KIF13A: variants seen among roughly 807,000 people sequenced by gnomAD.
KIF13A encodes the protein kinesin-like protein KIF13A.
A neutral mutation model predicts 212.2 loss-of-function variants in KIF13A; 79 were observed. That is an observed-to-expected ratio of 0.37 (90% CI 0.31 to 0.45). The LOEUF is 0.45. KIF13A is among the 20% of genes least tolerant of loss of function. The probability of loss-of-function intolerance (pLI) is 1.00; values close to 1 mark genes in which losing one functional copy is unlikely to be tolerated. For missense variants in KIF13A, 1,901 were observed against 2,209.0 expected (o/e 0.86, Z 2.79); for synonymous variants, 789 against 808.6 (o/e 0.98, Z 0.41).
intron 23 of KIF13A, among the ~76,000 whole-genome samples, chr6:17,795,943 T>C (rs1761995599): frequency 6.6e-6 from 1 of 152,234 alleles, no homozygotes; most frequent in South Asian, 2.1e-4. Context: ...GTATGATTCA[T>C]CTCAAATTAA....
Position 17,843,555 on chromosome 6 carries a change from C to T in KIF13A, c.830+5822G>A, listed in dbSNP as rs190019412. Among the ~76,000 whole-genome samples the T allele has an allele frequency of 2.0e-5, 3 of 152,212 alleles. No individual in the cohort carries two copies. The East Asian group carries it at 5.8e-4, about 29-fold the overall frequency. On this transcript the variant is annotated intron_variant, in intron 9 of 38. Transcript: ENST00000259711. This position sits in a 1 kb window ranked among gnomAD's most constrained non-coding sequence, Gnocchi z 5.3. ...CCAGTTTGTACCACAGATATGGATACGATGTTTGGAATGATAGAGCTATCC... is the reference window on the plus strand; with the variant it reads ...CCAGTTTGTACCACAGATATGGATATGATGTTTGGAATGATAGAGCTATCC...
Position 17,982,881 on chromosome 6 carries a change from C to A in KIF13A, c.146+4173G>T, listed in dbSNP as rs900180307. Among the ~76,000 whole-genome samples, 1 of 152,030 alleles carries A rather than the reference C, an allele frequency of 6.6e-6. No homozygotes were observed. The highest frequency in any genetic ancestry group is 1.5e-5 in the Non-Finnish European group (1 of 67,984). ...CTTAATATGCTGATATTGAAAGATA[C>A]CAAAGGGGGCCAGGCGTGGTGGCTC... On this transcript the variant is annotated intron_variant, in intron 2 of 38. Coordinates refer to ENST00000259711, the MANE Select transcript of KIF13A (RefSeq NM_022113.6). The surrounding 1 kb of genome is among the most constrained non-coding windows in gnomAD (Gnocchi z 5.1).
chr6:17,850,553 C>T lies in KIF13A; in HGVS notation c.583-96G>A. 8.0e-7 allele frequency: 1 copy of T among 1,248,098 alleles called. No individual in the cohort carries two copies. The allele number at this position is 1,248,098 out of a possible 1,614,324, so 77.3% of individuals were successfully genotyped here. A position where few individuals can be genotyped will look rare whatever the true frequency, so the allele number is the denominator to read the frequency against. On this transcript the variant is annotated intron_variant, in intron 7 of 38. Transcript: ENST00000259711. The surrounding 1 kb of genome is among the most constrained non-coding windows in gnomAD (Gnocchi z 6.2). ...GTATTAATTATGATTCCTCTGATGC[C>T]TTTGTCACCACCCTTCCATAGAAAC... is the stretch of plus-strand genomic sequence containing the variant.
In KIF13A at chr6:17,825,065, A is replaced by G. The variant is rs1252809430; in HGVS notation, c.1786+703T>C. Among the ~76,000 whole-genome samples the G allele has an allele frequency of 1.3e-5, 2 of 152,228 alleles. No individual in the cohort carries two copies. The highest frequency in any genetic ancestry group is 2.9e-5 in the Non-Finnish European group (2 of 68,044). ...CTGGCTTCTAAGTCCCAGTCATCAA[A>G]TCTAGCAATTAAGACACTGGGAGAT... is the stretch of plus-strand genomic sequence containing the variant. On this transcript the variant is annotated intron_variant, in intron 16 of 38. Coordinates refer to ENST00000259711, the MANE Select transcript of KIF13A (RefSeq NM_022113.6). This position sits in a 1 kb window ranked among gnomAD's most constrained non-coding sequence, Gnocchi z 4.5.
intron 2 of KIF13A, among the ~76,000 whole-genome samples, chr6:17,976,801 CAA>C (rs998413837): frequency 1.9e-4 from 19 of 98,702 alleles, no homozygotes; most frequent in Admixed American, 2.2e-4. Flanking sequence ...GACTCCATCT[CAA>C]AAAAAAAAAA....
In KIF13A at chr6:17,899,074, C is replaced by A. The variant is rs1012768679; in HGVS notation, c.147-894G>T. 5.9e-5 allele frequency among the ~76,000 whole-genome samples: 9 copies of A among 152,156 alleles called. No individual in the cohort carries two copies. Among genetic ancestry groups the A allele is most frequent in the Non-Finnish European group, 1.3e-4 (9 of 68,024 alleles). ...AACTCCTGACCTCAAGCAATCCCCC[C>A]ACCTCAGCCTCCCAAAGTGCTGGGA... On this transcript the variant is annotated intron_variant, in intron 2 of 38. Coordinates refer to ENST00000259711, the MANE Select transcript of KIF13A (RefSeq NM_022113.6). This position sits in a 1 kb window ranked among gnomAD's most constrained non-coding sequence, Gnocchi z 5.2.
intron 2 of KIF13A, among the ~76,000 whole-genome samples, chr6:17,904,711 G>A (rs1158811177): frequency 2.0e-5 from 3 of 152,216 alleles, no homozygotes; most frequent in African/African-American, 7.2e-5. Context: ...GGAGTCCTCT[G>A]ACCACTGTTT....
At chr6:17,835,193 G>A (rs1488859596) in intron 11 of KIF13A, among the ~76,000 whole-genome samples, 1 of 59,200 alleles carries the variant, frequency 1.7e-5, no homozygotes, top group Non-Finnish European at 2.9e-5. Context: ...ACCCGCCCCC[G>A]CCAAAAAAAA....
Position 17,987,479 on chromosome 6 carries a change from C to T in KIF13A, c.-16G>A. 8.0e-7 allele frequency: 1 copy of T among 1,251,000 alleles called. No homozygotes were observed. The highest frequency in any genetic ancestry group is 1.4e-5 in the South Asian group (1 of 69,364). 77.5% of individuals were successfully genotyped at this position (1,251,000 alleles called of 1,614,324 possible). ...TATCCGACATGTTGGCTGCGCTCGC[C>T]CGGCCGCTCGCCGCGCCCGCTCGGC... On this transcript the variant is annotated 5_prime_UTR_variant, in exon 1 of 39. Transcript: ENST00000259711. The surrounding 1 kb of genome is among the most constrained non-coding windows in gnomAD (Gnocchi z 7.7).
intron 2 of KIF13A, chr6:17,953,915 T>C: frequency 5.1e-6 from 1 of 195,338 alleles, no homozygotes; most frequent in Non-Finnish European, 1.1e-5. Flanking sequence ...AGGATGTCAC[T>C]GAAGAGTACT....
rs1774835137 is a variant in KIF13A at position 17,919,344 on chromosome 6, T to G, written c.147-21164A>C. On this transcript the variant is annotated intron_variant, in intron 2 of 38. Transcript: ENST00000259711. This position sits in a 1 kb window ranked among gnomAD's most constrained non-coding sequence, Gnocchi z 4.1. ...AGGTAAAGTACTATGTACTTAATGC[T>G]GCTAAAATAAGACCATTGAGAGAAT... 6.6e-6 allele frequency among the ~76,000 whole-genome samples: 1 copy of G among 152,200 alleles called. No homozygotes were observed.
chr6:17,805,425 T>A, intron 19 of KIF13A, 50 bp downstream of exon 19: 2 of 1,473,878 alleles, frequency 1.4e-6, no homozygotes, highest in Non-Finnish European at 1.9e-6. Flanking sequence ...ATCGCTTATA[T>A]TCTCTGTTTT....
intron 9 of KIF13A, among the ~76,000 whole-genome samples, chr6:17,844,112 A>G (rs960877031): frequency 6.6e-6 from 1 of 152,122 alleles, no homozygotes; most frequent in African/African-American, 2.4e-5. Flanking sequence ...AAATAAGTGG[A>G]TTTGAGTTTA....
At position 17,799,305 on chromosome 6, in the gene KIF13A, G is replaced by C. The variant is rs1362334084; in HGVS notation, c.2751C>G (p.Ser917=). ...AGGTCACTGTGTACTGGGCATCCTT[G>C]GACTGTGGTGAAGGCACCTCGGGGT... The part of the protein sequence containing the change: ...VVDPEVPSPQ[S]KDAQYTVTFS... Residue 917 remains serine, a synonymous_variant, in exon 22 of 39, where the codon TCC becomes TCG. Transcript: ENST00000259711. This position sits in a 1 kb window ranked among gnomAD's most constrained non-coding sequence, Gnocchi z 4.4. The C allele has an allele frequency of 6.2e-7, 1 of 1,612,864 alleles. No individual in the cohort carries two copies. Among genetic ancestry groups the C allele is most frequent in the Non-Finnish European group, 8.5e-7 (1 of 1,179,454 alleles).
chr6:17,874,585 C>T (rs771821553), intron 3 of KIF13A, among the ~76,000 whole-genome samples: 1 of 151,878 alleles, frequency 6.6e-6, no homozygotes, highest in Admixed American at 6.6e-5. Flanking sequence ...TACAGGTGCT[C>T]GCCACCATGC....
rs1012746335 is a variant in KIF13A at position 17,783,082 on chromosome 6, A to AG, written c.3544+563dup. On this transcript the variant is annotated intron_variant, in intron 29 of 38. Transcript: ENST00000259711. This position sits in a 1 kb window ranked among gnomAD's most constrained non-coding sequence, Gnocchi z 4.3. ...TTGAGGAGCCCTAGGGCCCTGCCAA[A>AG]GGATCTACCAGGATCCTGCCCACTG... Among the ~76,000 whole-genome samples, 1 of 152,250 alleles carries AG rather than the reference A, an allele frequency of 6.6e-6. No individual in the cohort carries two copies. The highest frequency in any genetic ancestry group is 2.4e-5 in the African/African-American group (1 of 41,460).
chr6:17,850,248 A>G lies in KIF13A; in HGVS notation c.717+75T>C. On this transcript the variant is annotated intron_variant, in intron 8 of 38. Transcript: ENST00000259711. The surrounding 1 kb of genome is among the most constrained non-coding windows in gnomAD (Gnocchi z 6.2). ...CAATTCTCAGCCACTGAACCCAACC[A>G]TGAAAGACTTTACCTATATGGACAC... 7.0e-7 allele frequency: 1 copy of G among 1,434,488 alleles called. No individual in the cohort carries two copies. Among genetic ancestry groups the G allele is most frequent in the African/African-American group, 1.4e-5 (1 of 70,618 alleles). 88.9% of individuals were successfully genotyped at this position (1,434,488 alleles called of 1,614,324 possible). A position where few individuals can be genotyped will look rare whatever the true frequency, so the allele number is the denominator to read the frequency against.
At position 17,833,855 on chromosome 6, in the gene KIF13A, C is replaced by CAAAAAAAAA. The variant is rs11358140; in HGVS notation, c.1266+97_1266+105dup. 504 of 365,170 alleles carry CAAAAAAAAA rather than the reference C, an allele frequency of 1.4e-3. 1 individual carries two copies. Among genetic ancestry groups the CAAAAAAAAA allele is most frequent in the South Asian group, 2.4e-3 (68 of 28,614 alleles). The allele number at this position is 365,170 out of a possible 1,614,324, so 22.6% of individuals were successfully genotyped here. A position where few individuals can be genotyped will look rare whatever the true frequency, so the allele number is the denominator to read the frequency against. On this transcript the variant is annotated intron_variant, in intron 12 of 38. Transcript: ENST00000259711. ...TGGGCGACAGAGTGAGACTCCGTCT[C>CAAAAAAAAA]AAAAAAAAAAAAAAAAAAGACTTTC...
At chr6:17,889,719 T>C (rs1771869109) in intron 3 of KIF13A, among the ~76,000 whole-genome samples, 1 of 152,222 alleles carries the variant, frequency 6.6e-6, no homozygotes, top group Non-Finnish European at 1.5e-5. Context: ...AATCCACAGA[T>C]GCTGAGATCA....
Sources: gnomAD v4.1 joint callset for allele counts (sites outside exome capture counted in the v4.1 genomes callset) on GRCh38, gnomAD v4.1.1 for gene constraint, Gnocchi (gnomAD v3.1) non-coding constraint, MANE v1.5 for transcripts, NCBI Gene and HGNC (gene_info 2026-07-23, HGNC 2026-07-21) for gene names.